The following BARX2 variants were observed in gnomAD, a reference collection of about 807,000 sequenced individuals.
BARX2 encodes the protein homeobox protein BarH-like 2.
BARX2 carries 11 observed loss-of-function variants against 25.5 expected under a neutral mutation model. The ratio of observed to expected loss-of-function variants is 0.43; its 90% CI spans 0.27 to 0.71. The LOEUF (loss-of-function observed/expected upper bound fraction) is 0.71, where lower values mean the gene tolerates loss of function less well. Among genes scored for constraint, BARX2 ranks in the 30% least tolerant of loss-of-function variants. BARX2 has a pLI of 0.19. For missense variants in BARX2, 360 were observed against 359.9 expected (o/e 1.00, Z 0.00); for synonymous variants, 137 against 149.5 (o/e 0.92, Z 0.61).
chr11:129,387,106 C>T (rs919138331), intron 1 of BARX2, among the ~76,000 whole-genome samples: 1 of 152,180 alleles, frequency 6.6e-6, no homozygotes, highest in African/African-American at 2.4e-5. Flanking sequence ...TTATTATACG[C>T]AGATAGTCGC....
chr11:129,386,046 C>T (rs1467434422), intron 1 of BARX2, among the ~76,000 whole-genome samples: 1 of 152,228 alleles, frequency 6.6e-6, no homozygotes, highest in Non-Finnish European at 1.5e-5. Flanking sequence ...TTGGATCTTA[C>T]TAACCTTGCC....
At chr11:129,378,415 C>A (rs550659282) in intron 1 of BARX2, among the ~76,000 whole-genome samples, 62 of 152,230 alleles carry the variant, frequency 4.1e-4, no homozygotes, top group African/African-American at 1.5e-3. Flanking sequence ...ACCATACTTT[C>A]AAAGCATTTT....
At chr11:129,448,110 ACTT>A (rs1234780935) in intron 3 of BARX2, among the ~76,000 whole-genome samples, 3 of 152,198 alleles carry the variant, frequency 2.0e-5, no homozygotes, top group African/African-American at 7.2e-5. Flanking sequence ...TTTACTGAGA[ACTT>A]CTTGGTTTTC....
At position 129,402,018 on chromosome 11, in the gene BARX2, GTT is replaced by G. The variant is rs34593681; in HGVS notation, c.187+25808_187+25809del. The stretch of plus-strand genomic sequence containing the variant: ...CTTCCAGAACATGTGGTTGACAGTG[GTT>G]TTTTTTTTTTTCAGATAAAATAAAT... On this transcript the variant is annotated intron_variant, in intron 1 of 3. Coordinates refer to ENST00000281437, the MANE Select transcript of BARX2 (RefSeq NM_003658.5). 5.2e-4 allele frequency among the ~76,000 whole-genome samples: 73 copies of G among 141,382 alleles called. 1 individual carries two copies. In the South Asian group the frequency reaches 6.7e-3, roughly 13 times the overall value. The allele number at this position is 141,382 out of a possible 152,430, so 92.8% of individuals were successfully genotyped here.
intron 1 of BARX2, among the ~76,000 whole-genome samples, chr11:129,386,202 A>G (rs912930230): frequency 1.3e-5 from 2 of 152,136 alleles, no homozygotes; most frequent in Non-Finnish European, 2.9e-5. Context: ...TGCAAGAGAG[A>G]GTTGTCAGGG....
chr11:129,433,945 T>A (rs1862157687), intron 1 of BARX2, among the ~76,000 whole-genome samples: 1 of 152,158 alleles, frequency 6.6e-6, no homozygotes, highest in Admixed American at 6.5e-5. Context: ...CAGAGCGGAG[T>A]GTAGCCCATA....
chr11:129,395,285 G>A (rs1861706888), intron 1 of BARX2, among the ~76,000 whole-genome samples: 1 of 152,142 alleles, frequency 6.6e-6, no homozygotes, highest in Non-Finnish European at 1.5e-5. Flanking sequence ...TTCTGGGATT[G>A]ACAATATTTC....
rs1862405347 is a variant in BARX2 at position 129,451,812 on chromosome 11, C to G, written c.*410C>G. On this transcript the variant is annotated 3_prime_UTR_variant, in exon 4 of 4. Transcript: ENST00000281437. The stretch of plus-strand genomic sequence containing the variant: ...GAGAGACGTGGCGGCATGTGGGCAG[C>G]ATGCCCAGGTTCCTTGCTGACTCAG... The G allele has an allele frequency of 1.2e-5, 2 of 165,002 alleles. No homozygotes were observed. The allele number at this position is 165,002 out of a possible 1,614,324, so 10.2% of individuals were successfully genotyped here.
At chr11:129,423,263 C>T (rs188808299) in intron 1 of BARX2, among the ~76,000 whole-genome samples, 11 of 151,702 alleles carry the variant, frequency 7.3e-5, no homozygotes, top group Admixed American at 6.6e-4. Flanking sequence ...ATTACAGGCA[C>T]CTGCCACCAC....
In BARX2 at chr11:129,376,047, C is replaced by G; in HGVS notation, c.12C>G (p.His4Gln). 1 of 1,589,770 alleles carries G rather than the reference C, an allele frequency of 6.3e-7. No individual in the cohort carries two copies. Among genetic ancestry groups the G allele is most frequent in the Non-Finnish European group, 8.5e-7 (1 of 1,170,430 alleles). MHCHAELRLSSPGQ... is the reference protein window; with the variant it reads MHCQAELRLSSPGQ... ...CGCGCCGGCTCACCATGCACTGCCA[C>G]GCCGAGCTGAGGCTGAGCTCGCCCG... The change falls in exon 1 of 4, where the codon CAC (histidine) becomes CAG (glutamine). Residue 4 changes from histidine to glutamine, a missense_variant. Physicochemically the swap from His to Gln is conservative, Grantham distance 24. Coordinates refer to ENST00000281437, the MANE Select transcript of BARX2 (RefSeq NM_003658.5). This position sits in a 1 kb window ranked among gnomAD's most constrained non-coding sequence, Gnocchi z 4.2.
chr11:129,379,143 G>A (rs761506640), intron 1 of BARX2, among the ~76,000 whole-genome samples: 5 of 152,032 alleles, frequency 3.3e-5, no homozygotes, highest in Non-Finnish European at 7.4e-5. Flanking sequence ...TTCCTAGTAC[G>A]TCTCGTAAAT....
intron 1 of BARX2, among the ~76,000 whole-genome samples, chr11:129,431,449 C>T (rs750461143): frequency 3.3e-5 from 5 of 152,168 alleles, no homozygotes; most frequent in Non-Finnish European, 5.9e-5. Context: ...ACATCCTCAC[C>T]AGCACTTGAT....
chr11:129,394,203 C>G (rs1029882655), intron 1 of BARX2, among the ~76,000 whole-genome samples: 13 of 152,166 alleles, frequency 8.5e-5, no homozygotes, highest in African/African-American at 2.4e-4. Context: ...CCAGATTCCT[C>G]TCTGCTGTTG....
At chr11:129,438,617 T>C (rs558316383) in intron 2 of BARX2, among the ~76,000 whole-genome samples, 9 of 152,328 alleles carry the variant, frequency 5.9e-5, no homozygotes, top group African/African-American at 2.2e-4. Flanking sequence ...ATTTAGCTTC[T>C]GATTCTGTTA....
At chr11:129,404,749 G>A (rs145828551) in intron 1 of BARX2, among the ~76,000 whole-genome samples, 1 of 152,318 alleles carries the variant, frequency 6.6e-6, no homozygotes, top group Non-Finnish European at 1.5e-5. Context: ...GGAGGATTCC[G>A]ACAGGTGCCC....
intron 1 of BARX2, among the ~76,000 whole-genome samples, chr11:129,405,519 T>C (rs1180381268): frequency 6.6e-6 from 1 of 152,238 alleles, no homozygotes; most frequent in Non-Finnish European, 1.5e-5. Flanking sequence ...TCATTGATAC[T>C]TTTAGTTCAG....
intron 1 of BARX2, among the ~76,000 whole-genome samples, chr11:129,415,038 T>C (rs1191572614): frequency 1.3e-5 from 2 of 152,236 alleles, no homozygotes; most frequent in Non-Finnish European, 2.9e-5. Flanking sequence ...GTTAATTTAT[T>C]TCACTTTTTA....
chr11:129,389,481 C>T (rs914796783), intron 1 of BARX2, among the ~76,000 whole-genome samples: 1 of 152,004 alleles, frequency 6.6e-6, no homozygotes, highest in Non-Finnish European at 1.5e-5. Flanking sequence ...AATATGAATT[C>T]AGAATTTTAT....
chr11:129,397,390 G>T (rs927905694), intron 1 of BARX2, among the ~76,000 whole-genome samples: 1 of 152,048 alleles, frequency 6.6e-6, no homozygotes, highest in Non-Finnish European at 1.5e-5. Context: ...CTCTTTTTGT[G>T]CACAGGAGAT....
Sources: gnomAD v4.1 joint callset for allele counts (sites outside exome capture counted in the v4.1 genomes callset) on GRCh38, gnomAD v4.1.1 for gene constraint, Gnocchi (gnomAD v3.1) non-coding constraint, MANE v1.5 for transcripts, NCBI Gene and HGNC (gene_info 2026-07-23, HGNC 2026-07-21) for gene names.